Variants in NANS observed in about 807,000 individuals in gnomAD.
The protein encoded by NANS is N-acetylneuraminate synthase, also known as N-acetylneuraminate-9-phosphate synthase.
Under a neutral mutation model 33.3 loss-of-function variants are expected in NANS, and 29 were observed. The ratio of observed to expected loss-of-function variants is 0.87; its 90% CI spans 0.65 to 1.19. NANS has a LOEUF of 1.19. Ranked by LOEUF, NANS falls within the 50% of genes most tolerant of loss-of-function variation. NANS has a pLI of 0.00. For synonymous variants in NANS, 163 were observed against 177.2 expected (o/e 0.92, Z 0.64); for missense variants, 394 against 461.1 (o/e 0.85, Z 1.33).
At chr9:98,071,262 G>A (rs1335691964) in intron 2 of NANS, among the ~76,000 whole-genome samples, 6 of 152,146 alleles carry the variant, frequency 3.9e-5, no homozygotes, top group East Asian at 1.9e-4. Context: ...ACATACCCCC[G>A]ACTGTATGAT....
rs981427869 is a variant in NANS, at chr9:98,082,840, C to G, written c.871-6C>G. 2 of 1,613,606 alleles carry G rather than the reference C, an allele frequency of 1.2e-6. No homozygotes were observed. The highest frequency in any genetic ancestry group is 1.7e-6 in the Non-Finnish European group (2 of 1,179,732). ...AGCTGGCACTGAATGTTCATTTTGT[C>G]CACAGCTGGGCAAGTCTGTGGTGGC... is the stretch of plus-strand genomic sequence containing the variant. On this transcript the variant is annotated splice_polypyrimidine_tract_variant and splice_region_variant and intron_variant, in intron 5 of 5. Transcript: ENST00000210444.
At chr9:98,067,297 G>T (rs1298610573) in intron 2 of NANS, among the ~76,000 whole-genome samples, 2 of 152,142 alleles carry the variant, frequency 1.3e-5, no homozygotes, top group Non-Finnish European at 2.9e-5. Context: ...GGGTCACCTG[G>T]TAACTCTATG....
intron 5 of NANS, chr9:98,081,905 C>A (rs911171593): frequency 6.6e-6 from 1 of 152,162 alleles, no homozygotes; most frequent in African/African-American, 2.4e-5. Flanking sequence ...ATAGAGGAAA[C>A]AGGAGAGAAT....
intron 2 of NANS, among the ~76,000 whole-genome samples, chr9:98,065,379 C>T (rs1382856070): frequency 7.4e-6 from 1 of 135,448 alleles, no homozygotes; most frequent in Non-Finnish European, 1.5e-5. Flanking sequence ...ATCAATGGTG[C>T]AATCTCGGCT....
chr9:98,056,978 C>T, intron 1 of NANS, 38 bp downstream of exon 1: 2 of 1,529,470 alleles, frequency 1.3e-6, no homozygotes, highest in African/African-American at 1.4e-5. Flanking sequence ...ATTCGGGCGC[C>T]GGGAGGGGCG....
intron 4 of NANS, 127 bp downstream of exon 4, chr9:98,078,474 TGTTACCAA>T: frequency 8.2e-7 from 1 of 1,223,780 alleles, no homozygotes; most frequent in Non-Finnish European, 1.1e-6. Flanking sequence ...ACAGTCTTGC[TGTTACCAA>T]ATCAAATTCG....
chr9:98,063,248 T>G (rs1410437026), intron 2 of NANS, among the ~76,000 whole-genome samples: 1 of 151,378 alleles, frequency 6.6e-6, no homozygotes, highest in Non-Finnish European at 1.5e-5. Context: ...TTTTTGTTGT[T>G]GTTTGCTTGT....
chr9:98,082,220 C>T (rs1214787795), intron 5 of NANS: 1 of 152,256 alleles, frequency 6.6e-6, no homozygotes, highest in African/African-American at 2.4e-5. Context: ...ATCTGCATAA[C>T]AGCCACATTC....
intron 5 of NANS, chr9:98,081,901 G>GAAAC (rs1372309042): frequency 6.6e-6 from 1 of 152,182 alleles, no homozygotes; most frequent in Non-Finnish European, 1.5e-5. Context: ...CTTTATAGAG[G>GAAAC]AAACAGGAGA....
At chr9:98,078,049 T>C in intron 3 of NANS, 144 bp from the exon 4 acceptor site, 5 of 1,242,034 alleles carry the variant, frequency 4.0e-6, no homozygotes, top group Middle Eastern at 2.4e-4. Context: ...AGCTCCTCTC[T>C]GTTCCCCCAC....
At position 98,082,844 on chromosome 9, in the gene NANS, A is replaced by G; in HGVS notation, c.871-2A>G. The G allele has an allele frequency of 6.2e-7, 1 of 1,613,976 alleles. No individual in the cohort carries two copies. Among genetic ancestry groups the G allele is most frequent in the African/African-American group, 1.3e-5 (1 of 75,060 alleles). On this transcript the variant is annotated splice_acceptor_variant, in intron 5 of 5. Coordinates refer to ENST00000210444, the MANE Select transcript of NANS (RefSeq NM_018946.4). LOFTEE classifies it high-confidence loss of function. ...GGCACTGAATGTTCATTTTGTCCAC[A>G]GCTGGGCAAGTCTGTGGTGGCCAAA... is the stretch of plus-strand genomic sequence containing the variant.
intron 2 of NANS, chr9:98,076,137 T>C (rs943335787): frequency 6.6e-6 from 1 of 152,168 alleles, no homozygotes; most frequent in Admixed American, 6.5e-5. Context: ...CTGCCAGCCA[T>C]GGATCCTTAT....
rs1260439502 is a variant in NANS at position 98,060,797 on chromosome 9, T to A, written c.148T>A (p.Cys50Ser). ...IRMAKECGAD[C>S]AKFQKSELEF... is the part of the protein sequence containing the mutation. Reference sequence around the variant, plus strand: ...TGTGTTGTAGGAGTGTGGGGCTGATTGTGCTAAGTTCCAGAAGAGTGAGCT... The same window carrying A: ...TGTGTTGTAGGAGTGTGGGGCTGATAGTGCTAAGTTCCAGAAGAGTGAGCT... Residue 50 changes from cysteine (C) to serine (S), a missense_variant, in exon 2 of 6, where the codon TGT becomes AGT. Coordinates refer to ENST00000210444, the MANE Select transcript of NANS (RefSeq NM_018946.4). The A allele has an allele frequency of 6.2e-7, 1 of 1,614,192 alleles. No individual in the cohort carries two copies. The highest frequency in any genetic ancestry group is 2.2e-5 in the East Asian group (1 of 44,896).
Position 98,083,077 on chromosome 9 carries a change from A to C in NANS, c.*22A>C, listed in dbSNP as rs371968175. On this transcript the variant is annotated 3_prime_UTR_variant, in exon 6 of 6. Transcript: ENST00000210444. Reference sequence around the variant, plus strand: ...TTAAAAATAAAGTGCCATTCTCTGAATTCTCAGTTCCCTTGCTGATGCTGT... The same window carrying C: ...TTAAAAATAAAGTGCCATTCTCTGACTTCTCAGTTCCCTTGCTGATGCTGT... 1.8e-5 allele frequency: 29 copies of C among 1,609,362 alleles called. No individual in the cohort carries two copies. The highest frequency in any genetic ancestry group is 2.5e-5 in the Non-Finnish European group (29 of 1,176,654).
At chr9:98,068,526 G>A (rs904463678) in intron 2 of NANS, among the ~76,000 whole-genome samples, 14 of 151,750 alleles carry the variant, frequency 9.2e-5, no homozygotes, top group African/African-American at 3.4e-4. Flanking sequence ...AAAGTAAAAA[G>A]TGGTTGGCTG....
intron 5 of NANS, chr9:98,082,203 T>C (rs963963943): frequency 2.0e-5 from 3 of 152,290 alleles, no homozygotes; most frequent in African/African-American, 7.2e-5. Flanking sequence ...GGGCTCCTTT[T>C]CTTGCCATCT....
chr9:98,064,165 A>C (rs973492832), intron 2 of NANS, among the ~76,000 whole-genome samples: 1 of 152,182 alleles, frequency 6.6e-6, no homozygotes, highest in Non-Finnish European at 1.5e-5. Context: ...TTCAGGCTAC[A>C]CTTCTGTAGA....
At position 98,060,778 on chromosome 9, in the gene NANS, G is replaced by T. The variant is rs760684008; in HGVS notation, c.133-4G>T. On this transcript the variant is annotated splice_polypyrimidine_tract_variant and splice_region_variant and intron_variant, in intron 1 of 5. Coordinates refer to ENST00000210444, the MANE Select transcript of NANS (RefSeq NM_018946.4). ...ACTGAAAGATGTCCTAATGTGTGTT[G>T]TAGGAGTGTGGGGCTGATTGTGCTA... The T allele has an allele frequency of 2.5e-6, 4 of 1,613,896 alleles. No homozygotes were observed.
chr9:98,076,926 TG>T lies in NANS; in HGVS notation c.358del (p.Glu120AsnfsTer6), dbSNP rs780624275. 2 of 1,610,150 alleles carry T rather than the reference TG, an allele frequency of 1.2e-6. No homozygotes were observed. Among genetic ancestry groups the T allele is most frequent in the South Asian group, 2.2e-5 (2 of 89,800 alleles). On this transcript the variant is annotated frameshift_variant, in exon 3 of 6. Transcript: ENST00000210444. LOFTEE classifies it high-confidence loss of function. Reference sequence around the variant, plus strand: ...CTCTTTGATTTTTGTAGATGGCAGTTGAATTCCTGCATGAACTGAATGTTCC... The same window carrying T: ...CTCTTTGATTTTTGTAGATGGCAGTTAATTCCTGCATGAACTGAATGTTCC... ...TASGMDEMAV[E>X]FLHELNVPFF... is the part of the protein sequence containing the mutation.
Sources: gnomAD v4.1 joint callset for allele counts (sites outside exome capture counted in the v4.1 genomes callset) on GRCh38, gnomAD v4.1.1 for gene constraint, MANE v1.5 for transcripts, NCBI Gene and HGNC (gene_info 2026-07-23, HGNC 2026-07-21) for gene names.